The following AUH variants were observed in gnomAD, a reference collection of about 807,000 sequenced individuals.
The protein encoded by AUH is methylglutaconyl-CoA hydratase, mitochondrial.
In AUH, 29 loss-of-function variants were observed where a neutral mutation model predicts 42.3. The ratio of observed to expected loss-of-function variants is 0.69; its 90% confidence interval spans 0.51 to 0.93. The LOEUF (loss-of-function observed/expected upper bound fraction) is 0.93, where lower values mean the gene tolerates loss of function less well. Among genes scored for constraint, AUH ranks in the 40% least tolerant of loss-of-function variants. The pLI is 0.00. For missense variants in AUH, 452 were observed against 438.1 expected, an observed-to-expected ratio of 1.03 and a Z score of -0.28; for synonymous variants, 174 against 166.4, an observed-to-expected ratio of 1.05 and a Z score of -0.35.
chr9:91,361,486 G>A (rs1832847948), intron 1 of AUH, 142 bp downstream of exon 1: 1 of 1,167,276 alleles, frequency 8.6e-7, no homozygotes, highest in Non-Finnish European at 1.2e-6. Flanking sequence ...TGAGTAGGGA[G>A]GTGAGAAAGG....
intron 6 of AUH, among the ~76,000 whole-genome samples, chr9:91,243,673 C>T (rs971205285): frequency 2.0e-5 from 3 of 152,184 alleles, no homozygotes; most frequent in Non-Finnish European, 4.4e-5. Context: ...GGGCCTGAGC[C>T]GATGTGTCAT....
At chr9:91,358,523 G>A (rs1832610099) in intron 1 of AUH, among the ~76,000 whole-genome samples, 1 of 152,094 alleles carries the variant, frequency 6.6e-6, no homozygotes, top group South Asian at 2.1e-4. Flanking sequence ...ACTCTATTAA[G>A]ATACTAACAG....
At chr9:91,345,142 G>C (rs988588827) in intron 3 of AUH, among the ~76,000 whole-genome samples, 1 of 151,860 alleles carries the variant, frequency 6.6e-6, no homozygotes, top group East Asian at 1.9e-4. Flanking sequence ...ATAAGATTGA[G>C]AAAAGACAAA....
intron 6 of AUH, among the ~76,000 whole-genome samples, chr9:91,290,221 G>T (rs1204438734): frequency 2.0e-5 from 3 of 152,122 alleles, no homozygotes; most frequent in Non-Finnish European, 4.4e-5. Flanking sequence ...TTCAAGACCA[G>T]CTTGGGCAAC....
Position 91,266,882 on chromosome 9 carries a change from T to C in AUH, c.655+29139A>G, listed in dbSNP as rs189368623. On this transcript the variant is annotated intron_variant, in intron 6 of 9. Transcript: ENST00000375731. The stretch of plus-strand genomic sequence containing the variant: ...TATTTTAAGGGTTAGATAGCAAACT[T>C]TATAAAAAATTATTAAACTGACATT... Among the ~76,000 whole-genome samples, 3 of 152,322 alleles carry C rather than the reference T, an allele frequency of 2.0e-5. No homozygotes were observed. The East Asian group carries it at 5.8e-4, about 29-fold the overall frequency.
chr9:91,325,205 A>G (rs1448750724), intron 4 of AUH, 113 bp downstream of exon 4: 6 of 829,590 alleles, frequency 7.2e-6, no homozygotes, highest in Non-Finnish European at 1.2e-5. Context: ...ATAGGTCATG[A>G]TTATCTAATT....
At position 91,220,831 on chromosome 9, in the gene AUH, C is replaced by T. The variant is rs769805470; in HGVS notation, c.817G>A (p.Asp273Asn). 2 of 1,614,104 alleles carry T rather than the reference C, an allele frequency of 1.2e-6. No homozygotes were observed. The highest frequency in any genetic ancestry group is 2.2e-5 in the East Asian group (1 of 44,896). The change falls in exon 7 of 10, where the codon GAC becomes AAC. Residue 273 changes from aspartate to asparagine, a missense_variant. By Grantham distance (23) the Asp-to-Asn change is conservative. Coordinates refer to ENST00000375731, the MANE Select transcript of AUH (RefSeq NM_001698.3). Reference sequence around the variant, plus strand: ...TGAGGTAAAAACTCTCTCGCCAGGTCCAAGGCCTTCCTGTAGGCCGCGTCT... The same window carrying T: ...TGAGGTAAAAACTCTCTCGCCAGGTTCAAGGCCTTCCTGTAGGCCGCGTCT... ...EGDAAYRKAL[D>N]LAREFLPQGP...
chr9:91,267,367 T>C (rs1830029641), intron 6 of AUH, among the ~76,000 whole-genome samples: 3 of 152,214 alleles, frequency 2.0e-5, no homozygotes, highest in Admixed American at 2.0e-4. Context: ...AAACCCTGTC[T>C]CCTTAACTCT....
intron 6 of AUH, among the ~76,000 whole-genome samples, chr9:91,248,234 C>T (rs1564028192): frequency 6.6e-6 from 1 of 152,148 alleles, no homozygotes; most frequent in Non-Finnish European, 1.5e-5. Flanking sequence ...CTTTTGCATA[C>T]GGACAACCAA....
intron 7 of AUH, among the ~76,000 whole-genome samples, chr9:91,219,155 G>A (rs140300297): frequency 8.6e-4 from 131 of 152,268 alleles, no homozygotes; most frequent in African/African-American, 2.9e-3. Context: ...GTGTGTGGAC[G>A]GTGGTGGCAT....
At chr9:91,341,026 C>T (rs1037139191) in intron 3 of AUH, among the ~76,000 whole-genome samples, 5 of 152,190 alleles carry the variant, frequency 3.3e-5, no homozygotes, top group African/African-American at 1.2e-4. Flanking sequence ...CAAACTACTA[C>T]TGAGTATCAA....
intron 6 of AUH, among the ~76,000 whole-genome samples, chr9:91,270,873 A>T (rs2292365): frequency 0.071 from 10,875 of 152,246 alleles, 672 homozygotes; most frequent in East Asian, 0.26. Flanking sequence ...TAGTATGCAT[A>T]GAAAAATTTC....
At chr9:91,354,731 T>C (rs919343859) in intron 3 of AUH, among the ~76,000 whole-genome samples, 1 of 152,214 alleles carries the variant, frequency 6.6e-6, no homozygotes, top group East Asian at 1.9e-4. Flanking sequence ...CAAAAATTCA[T>C]ATAATTGGGC....
chr9:91,265,220 CTTCA>C (rs1829906409), intron 6 of AUH, among the ~76,000 whole-genome samples: 1 of 151,134 alleles, frequency 6.6e-6, no homozygotes, highest in South Asian at 2.1e-4. Flanking sequence ...TTTTCTCTAG[CTTCA>C]TTAAGTCAAA....
chr9:91,297,646 G>A (rs577616645), intron 5 of AUH, among the ~76,000 whole-genome samples: 303 of 151,124 alleles, frequency 2.0e-3, no homozygotes, highest in African/African-American at 7.1e-3. Flanking sequence ...GAGCTGGAGT[G>A]TAATGGCACG....
At position 91,327,784 on chromosome 9, in the gene AUH, G is replaced by C. The variant is rs183892180; in HGVS notation, c.419-2380C>G. Reference sequence around the variant, plus strand: ...GAGTGAAGAGCTGCAACATTTCTGGGGTCCCAGACCTCAGGACTCCCCGAG... The same window carrying C: ...GAGTGAAGAGCTGCAACATTTCTGGCGTCCCAGACCTCAGGACTCCCCGAG... On this transcript the variant is annotated intron_variant, in intron 3 of 9. Transcript: ENST00000375731. Among the ~76,000 whole-genome samples, 386 of 152,326 alleles carry C rather than the reference G, an allele frequency of 2.5e-3. 1 individual carries two copies. The highest frequency in any genetic ancestry group is 3.9e-3 in the Non-Finnish European group (268 of 68,030).
At chr9:91,293,122 C>T (rs569759916) in intron 6 of AUH, among the ~76,000 whole-genome samples, 7 of 152,300 alleles carry the variant, frequency 4.6e-5, no homozygotes, top group African/African-American at 1.7e-4. Context: ...GCTGTTCCCC[C>T]ATCTCTCTCC....
chr9:91,248,805 C>T (rs1183227439), intron 6 of AUH, among the ~76,000 whole-genome samples: 2 of 152,088 alleles, frequency 1.3e-5, no homozygotes, highest in African/African-American at 2.4e-5. Context: ...TTTCAGGAGC[C>T]GCTGTACATC....
At chr9:91,323,440 T>C (rs1014065035) in intron 4 of AUH, among the ~76,000 whole-genome samples, 6 of 152,044 alleles carry the variant, frequency 3.9e-5, no homozygotes, top group Non-Finnish European at 5.9e-5. Context: ...CTGGCCAACA[T>C]GGTGAAACCC....
Sources: gnomAD v4.1 joint callset for allele counts (sites outside exome capture counted in the v4.1 genomes callset) on GRCh38, gnomAD v4.1.1 for gene constraint, MANE v1.5 for transcripts, NCBI Gene and HGNC (gene_info 2026-07-23, HGNC 2026-07-21) for gene names.